Variants in TRPV2 observed in about 807,000 individuals in gnomAD.
TRPV2 encodes the protein transient receptor potential cation channel subfamily V member 2, also known as OTRPC2.
TRPV2 carries 58 observed loss-of-function variants against 91.0 expected under a neutral mutation model. The observed-to-expected ratio is 0.64, with a 90% CI of 0.52 to 0.79. TRPV2 has a LOEUF of 0.79. Among genes scored for constraint, TRPV2 ranks in the 30% least tolerant of loss-of-function variants. The pLI is 0.00. For synonymous variants in TRPV2, 417 were observed against 414.8 expected, an observed-to-expected ratio of 1.01 and a Z score of -0.06; for missense variants, 807 against 969.6, an observed-to-expected ratio of 0.83 and a Z score of 2.23.
At chr17:16,433,450 T>G in intron 12 of TRPV2, 124 bp from the exon 13 acceptor site, 1 of 1,379,980 alleles carries the variant, frequency 7.2e-7, no homozygotes, top group Non-Finnish European at 9.8e-7. Flanking sequence ...AATCCGCGTG[T>G]TTAGTTGACT....
intron 2 of TRPV2, among the ~76,000 whole-genome samples, chr17:16,418,463 C>T (rs112797792): frequency 1.1e-3 from 172 of 152,222 alleles, no homozygotes; most frequent in African/African-American, 4.1e-3. Flanking sequence ...TGCCCGGGGG[C>T]GGGGCCTGCC....
chr17:16,432,848 C>T (rs1411034181), intron 12 of TRPV2, among the ~76,000 whole-genome samples: 3 of 151,300 alleles, frequency 2.0e-5, no homozygotes, highest in Middle Eastern at 3.4e-3. Flanking sequence ...TCTTGTTGCC[C>T]GGGCTGGAGT....
chr17:16,430,539 G>A (rs2093405031), intron 10 of TRPV2, among the ~76,000 whole-genome samples: 1 of 149,142 alleles, frequency 6.7e-6, no homozygotes, highest in South Asian at 2.1e-4. Flanking sequence ...AGGCTGGAGT[G>A]CAGTGATGCA....
rs112196793 is a variant in TRPV2, at chr17:16,426,330, C to T, written c.1095+61C>T. On this transcript the variant is annotated intron_variant, in intron 6 of 14. Transcript: ENST00000338560. The surrounding 1 kb of genome is among the most constrained non-coding windows in gnomAD (Gnocchi z 6.0). ...CCAGCAGAGTTTCCAGCAAGGTCCA[C>T]AAATTGGGGCTGCCTGCTGGACCAT... The T allele has an allele frequency of 7.4e-4, 1,173 of 1,583,970 alleles. 8 individuals carry two copies. The African/African-American group carries it at 0.013, about 18-fold the overall frequency.
chr17:16,424,049 G>C (rs1227092714), intron 5 of TRPV2, among the ~76,000 whole-genome samples: 2 of 151,772 alleles, frequency 1.3e-5, no homozygotes, highest in Non-Finnish European at 2.9e-5. Context: ...GAGTGCAATG[G>C]TGCGACCTCG....
In TRPV2 at chr17:16,422,727, C is replaced by A; in HGVS notation, c.463C>A (p.Gln155Lys). ...CAATCCTCAGCCCCTGGTAAATGCC[C>A]AGTGCACAGATGACTATTACCGAGG... ...SGNPQPLVNA[Q>K]CTDDYYRGHS... Residue 155 changes from glutamine to lysine, a missense_variant, in exon 4 of 15, where the codon CAG (glutamine) becomes AAG (lysine). By Grantham distance (53) the Gln-to-Lys change is moderately conservative (BLOSUM62 1). Transcript: ENST00000338560. 6.3e-7 allele frequency: 1 copy of A among 1,599,988 alleles called. No homozygotes were observed. The highest frequency in any genetic ancestry group is 2.3e-5 in the East Asian group (1 of 44,114).
intron 7 of TRPV2, 30 bp from the exon 8 acceptor site, chr17:16,427,419 G>T (rs774693063): frequency 1.9e-6 from 3 of 1,607,016 alleles, no homozygotes; most frequent in Non-Finnish European, 2.6e-6. Context: ...AGGACCCAAG[G>T]CCCTAGGTCT....
At chr17:16,420,394 G>A (rs2093351305) in intron 3 of TRPV2, 146 bp downstream of exon 3, 3 of 1,081,576 alleles carry the variant, frequency 2.8e-6, no homozygotes, top group Non-Finnish European at 2.6e-6. Flanking sequence ...GGGCCCTGTG[G>A]ACAGAGTTAA....
rs1275669660 is a variant in TRPV2, at chr17:16,436,972, T to G, written c.*83T>G. 9.3e-7 allele frequency: 1 copy of G among 1,077,196 alleles called. No individual in the cohort carries two copies. Among genetic ancestry groups the G allele is most frequent in the Admixed American group, 1.9e-5 (1 of 51,852 alleles). The allele number at this position is 1,077,196 out of a possible 1,614,324, so 66.7% of individuals were successfully genotyped here. A position where few individuals can be genotyped will look rare whatever the true frequency, so the allele number is the denominator to read the frequency against. ...TGCTGGCTCTGGGGTCCCAGTGAATTCTGGTGGCAAATATATATTTTCACT... is the reference window on the plus strand; with the variant it reads ...TGCTGGCTCTGGGGTCCCAGTGAATGCTGGTGGCAAATATATATTTTCACT... On this transcript the variant is annotated 3_prime_UTR_variant, in exon 15 of 15. Transcript: ENST00000338560.
chr17:16,417,834 G>C lies in TRPV2; in HGVS notation c.166G>C (p.Val56Leu), dbSNP rs1041165401. The change falls in exon 2 of 15, where the codon GTC (valine) becomes CTC (leucine). Residue 56 changes from valine to leucine, a missense_variant. Val to Leu is a conservative substitution (Grantham distance 32, BLOSUM62 1). Coordinates refer to ENST00000338560, the MANE Select transcript of TRPV2 (RefSeq NM_016113.5). ...EDRKFAPQIRVNLNYRKGTGA... is the reference protein window; with the variant it reads ...EDRKFAPQIRLNLNYRKGTGA... The stretch of plus-strand genomic sequence containing the variant: ...CCGGAAATTCGCCCCTCAGATAAGA[G>C]TCAACCTCAACTACCGAAAGGGAAC... 8.1e-6 allele frequency: 13 copies of C among 1,614,184 alleles called. No homozygotes were observed. The highest frequency in any genetic ancestry group is 1.0e-5 in the Non-Finnish European group (12 of 1,180,014).
rs140691914 is a variant in TRPV2, at chr17:16,429,730, G to A, written c.1587+748G>A. On this transcript the variant is annotated intron_variant, in intron 10 of 14. Coordinates refer to ENST00000338560, the MANE Select transcript of TRPV2 (RefSeq NM_016113.5). ...ACAGGGTGAGGAGGCTAGGTGGCTG[G>A]GGAGATGGCAGGAGGGTGGAGGTGA... Among the ~76,000 whole-genome samples, 575 of 152,260 alleles carry A rather than the reference G, an allele frequency of 3.8e-3. 5 individuals carry two copies. Among genetic ancestry groups the A allele is most frequent in the African/African-American group, 0.013 (539 of 41,534 alleles).
chr17:16,433,832 A>G, intron 13 of TRPV2, 134 bp downstream of exon 13: 1 of 1,314,652 alleles, frequency 7.6e-7, no homozygotes, highest in Non-Finnish European at 1.0e-6. Flanking sequence ...CCAGGGACTG[A>G]GCCTGAGCAG....
At position 16,427,552 on chromosome 17, in the gene TRPV2, G is replaced by C; in HGVS notation, c.1350+5G>C. 1 of 1,608,160 alleles carries C rather than the reference G, an allele frequency of 6.2e-7. No homozygotes were observed. The highest frequency in any genetic ancestry group is 8.5e-7 in the Non-Finnish European group (1 of 1,176,352). ...ATCTACCTCCTCGTGGGCCAGGTGA[G>C]TGCCCCTCCCCTTCTCCTACCAAGA... On this transcript the variant is annotated splice_donor_5th_base_variant and intron_variant, in intron 8 of 14. Transcript: ENST00000338560.
In TRPV2 at chr17:16,426,037, C is replaced by T. The variant is rs1441756544; in HGVS notation, c.925-62C>T. ...TGCTGAGTCCTGGGTGTTTCCCAGC[C>T]TTGGCCCAGGATCAGTGCCAGGAAG... On this transcript the variant is annotated intron_variant, in intron 5 of 14. Coordinates refer to ENST00000338560, the MANE Select transcript of TRPV2 (RefSeq NM_016113.5). This position sits in a 1 kb window ranked among gnomAD's most constrained non-coding sequence, Gnocchi z 6.0. 1.3e-6 allele frequency: 2 copies of T among 1,591,092 alleles called. No individual in the cohort carries two copies. Among genetic ancestry groups the T allele is most frequent in the African/African-American group, 2.7e-5 (2 of 74,736 alleles).
At chr17:16,428,213 C>A in intron 8 of TRPV2, 104 bp from the exon 9 acceptor site, 1 of 1,045,132 alleles carries the variant, frequency 9.6e-7, no homozygotes. Context: ...ACCAAAGCTG[C>A]TGACTTAGCT....
At position 16,426,521 on chromosome 17, in the gene TRPV2, C is replaced by A. The variant is rs1004843736; in HGVS notation, c.1096-201C>A. ...CATCCGGGTCCTCTCTGTTAACCAGCATCTCATTTGGAGGGCAAGCCCCTT... is the reference window on the plus strand; with the variant it reads ...CATCCGGGTCCTCTCTGTTAACCAGAATCTCATTTGGAGGGCAAGCCCCTT... On this transcript the variant is annotated intron_variant, in intron 6 of 14. Coordinates refer to ENST00000338560, the MANE Select transcript of TRPV2 (RefSeq NM_016113.5). This position sits in a 1 kb window ranked among gnomAD's most constrained non-coding sequence, Gnocchi z 6.0. Among the ~76,000 whole-genome samples, 1 of 152,206 alleles carries A rather than the reference C, an allele frequency of 6.6e-6. No homozygotes were observed. The highest frequency in any genetic ancestry group is 1.5e-5 in the Non-Finnish European group (1 of 68,026).
At chr17:16,419,583 C>A (rs374333399) in intron 2 of TRPV2, among the ~76,000 whole-genome samples, 22 of 152,258 alleles carry the variant, frequency 1.4e-4, no homozygotes, top group Admixed American at 3.9e-4. Flanking sequence ...TAGTTTCTGA[C>A]CAGCAGGGCT....
intron 10 of TRPV2, 48 bp from the exon 11 acceptor site, chr17:16,431,736 A>T: frequency 6.3e-7 from 1 of 1,586,612 alleles, no homozygotes; most frequent in Non-Finnish European, 8.7e-7. Flanking sequence ...TGGGGTCGTG[A>T]CTGGTGGCCC....
chr17:16,425,922 T>C (rs1249206717), intron 5 of TRPV2, among the ~76,000 whole-genome samples, 177 bp from the exon 6 acceptor site: 1 of 151,964 alleles, frequency 6.6e-6, no homozygotes, highest in African/African-American at 2.4e-5. Context: ...GCTGGGTGCG[T>C]GTGTGTGTTT....
Sources: allele counts gnomAD v4.1 joint callset (sites outside exome capture counted in the v4.1 genomes callset), GRCh38; gene constraint gnomAD v4.1.1; non-coding constraint Gnocchi (gnomAD v3.1); transcripts MANE v1.5; gene names NCBI Gene and HGNC (gene_info 2026-07-23, HGNC 2026-07-21).